The following TRPM3 variants were observed in gnomAD, a reference collection of about 807,000 sequenced individuals.
The protein encoded by TRPM3 is long transient receptor potential channel 3.
TRPM3 carries 77 observed loss-of-function variants against 181.2 expected under a neutral mutation model. The ratio of observed to expected loss-of-function variants is 0.42; its 90% confidence interval spans 0.35 to 0.51. The LOEUF is 0.51. Ranked by LOEUF, TRPM3 falls within the 20% of genes least tolerant of loss-of-function variation. The pLI, the probability that TRPM3 is intolerant of heterozygous loss-of-function variation, is 0.01. For synonymous variants in TRPM3, 745 were observed against 796.4 expected (o/e 0.94, Z 1.09); for missense variants, 1,759 against 2,196.7 (o/e 0.80, Z 3.98).
rs571023951 is a variant in TRPM3, at chr9:70,657,113, A to G, written c.1346-16453T>C. Among the ~76,000 whole-genome samples, 5 of 151,746 alleles carry G rather than the reference A, an allele frequency of 3.3e-5. No individual in the cohort carries two copies. The South Asian group carries it at 1.0e-3, about 32-fold the overall frequency. ...TCACAATAAGAGGATTTATATACATAAAAAACCCAAAAAACTTTTATATGA... is the reference window on the plus strand; with the variant it reads ...TCACAATAAGAGGATTTATATACATGAAAAACCCAAAAAACTTTTATATGA... On this transcript the variant is annotated intron_variant, in intron 9 of 25. Transcript: ENST00000677713.
At chr9:70,947,583 A>C (rs1306811656) in intron 1 of TRPM3, among the ~76,000 whole-genome samples, 1 of 152,086 alleles carries the variant, frequency 6.6e-6, no homozygotes, top group African/African-American at 2.4e-5. Flanking sequence ...GTTGTTATTC[A>C]AAGTGGAATT....
intron 1 of TRPM3, among the ~76,000 whole-genome samples, chr9:71,418,518 G>A (rs965600979): frequency 2.0e-5 from 3 of 151,824 alleles, no homozygotes; most frequent in Non-Finnish European, 4.4e-5. Context: ...CATGACCAGG[G>A]ATTGGTGGGT....
At chr9:71,234,295 G>C (rs2081239838) in intron 1 of TRPM3, among the ~76,000 whole-genome samples, 1 of 152,060 alleles carries the variant, frequency 6.6e-6, no homozygotes. Context: ...TTTTCTTTTG[G>C]TTACACAGGT....
intron 1 of TRPM3, among the ~76,000 whole-genome samples, chr9:70,975,541 G>A (rs2097294265): frequency 6.6e-6 from 1 of 152,198 alleles, no homozygotes; most frequent in Admixed American, 6.5e-5. Flanking sequence ...TTCTGAAGAA[G>A]TTTCTTAATT....
At chr9:71,121,685 C>G (rs942805202), upstream of TRPM3, 2 of 1,079,054 alleles carry the variant, frequency 1.9e-6, no homozygotes, top group African/African-American at 3.3e-5. Flanking sequence ...GGAACCGGGG[C>G]CATTGCTTTG....
At chr9:71,397,521 A>C (rs1339314110) in intron 1 of TRPM3, among the ~76,000 whole-genome samples, 1 of 152,218 alleles carries the variant, frequency 6.6e-6, no homozygotes, top group Non-Finnish European at 1.5e-5. Context: ...TAAACCTAAA[A>C]TAATGCAAAC....
chr9:71,413,866 T>TC (rs1192503551), intron 1 of TRPM3, among the ~76,000 whole-genome samples: 1 of 151,804 alleles, frequency 6.6e-6, no homozygotes, highest in Non-Finnish European at 1.5e-5. Flanking sequence ...CTCTTTTTTT[T>TC]TTTTTTAAAC....
At chr9:71,354,201 A>T (rs955689970) in intron 1 of TRPM3, among the ~76,000 whole-genome samples, 1 of 152,142 alleles carries the variant, frequency 6.6e-6, no homozygotes. Context: ...TCTGGGAGAG[A>T]GTCAATAGGG....
chr9:71,184,370 G>T (rs548396795), intron 1 of TRPM3, among the ~76,000 whole-genome samples: 1 of 152,210 alleles, frequency 6.6e-6, no homozygotes, highest in Non-Finnish European at 1.5e-5. Context: ...CTATAGGAAA[G>T]GAGTGTTAAC....
At chr9:70,698,331 TC>T (rs2071284205) in intron 8 of TRPM3, among the ~76,000 whole-genome samples, 1 of 152,198 alleles carries the variant, frequency 6.6e-6, no homozygotes, top group Non-Finnish European at 1.5e-5. Flanking sequence ...TATGTGAGTT[TC>T]CGTCCTGTCT....
chr9:70,819,558 A>AT (rs2092990945), intron 6 of TRPM3, among the ~76,000 whole-genome samples: 1 of 152,208 alleles, frequency 6.6e-6, no homozygotes, highest in Non-Finnish European at 1.5e-5. Context: ...AAAGAAAAAA[A>AT]CAGAGCTTCA....
At chr9:70,753,183 C>T (rs900877293) in intron 8 of TRPM3, among the ~76,000 whole-genome samples, 15 of 152,166 alleles carry the variant, frequency 9.9e-5, no homozygotes, top group Admixed American at 9.8e-4. Context: ...CAGGATATAT[C>T]CCCATTGTTA....
At chr9:71,248,488 CT>C (rs1344318797) in intron 1 of TRPM3, among the ~76,000 whole-genome samples, 5 of 152,330 alleles carry the variant, frequency 3.3e-5, no homozygotes, top group Middle Eastern at 3.4e-3. Flanking sequence ...GAAAGGATAT[CT>C]TTTAGACTCT....
At chr9:71,215,044 A>C (rs867745121) in intron 1 of TRPM3, among the ~76,000 whole-genome samples, 11 of 71,198 alleles carry the variant, frequency 1.5e-4, no homozygotes, top group African/African-American at 3.3e-4. Flanking sequence ...AAAAAAAAAA[A>C]AACAAAAAAA....
intron 1 of TRPM3, among the ~76,000 whole-genome samples, chr9:71,387,441 T>TAACTTATAC (rs1226458062): frequency 2.0e-5 from 3 of 152,148 alleles, no homozygotes; most frequent in African/African-American, 7.2e-5. Context: ...TACCACATCT[T>TAACTTATAC]AACTTATACC....
intron 1 of TRPM3, among the ~76,000 whole-genome samples, chr9:71,416,353 G>C (rs759325871): frequency 5.9e-5 from 9 of 151,718 alleles, no homozygotes; most frequent in Non-Finnish European, 1.0e-4. Context: ...AGTTTGGATT[G>C]GTCGGCAATT....
intron 1 of TRPM3, among the ~76,000 whole-genome samples, chr9:71,220,300 T>G (rs1025270921): frequency 6.6e-6 from 1 of 152,006 alleles, no homozygotes; most frequent in Non-Finnish European, 1.5e-5. Context: ...TCATTACTTT[T>G]CTGGTCACTG....
chr9:70,962,484 G>A (rs780905339), intron 1 of TRPM3, among the ~76,000 whole-genome samples: 7 of 152,054 alleles, frequency 4.6e-5, no homozygotes, highest in Non-Finnish European at 8.8e-5. Flanking sequence ...CTTCAGCTCT[G>A]CAATGGGGAT....
chr9:70,869,881 A>G (rs2132543978), intron 1 of TRPM3, among the ~76,000 whole-genome samples: 1 of 152,222 alleles, frequency 6.6e-6, no homozygotes, highest in East Asian at 1.9e-4. Flanking sequence ...GGGCTCTTTC[A>G]TATATCATCC....
Sources: allele counts gnomAD v4.1 joint callset (sites outside exome capture counted in the v4.1 genomes callset), GRCh38; gene constraint gnomAD v4.1.1; transcripts MANE v1.5; gene names NCBI Gene and HGNC (gene_info 2026-07-23, HGNC 2026-07-21).